Variants in CATSPERT observed in about 807,000 individuals in gnomAD.
CATSPERT encodes cation channel sperm-associated targeting subunit tau.
chr2:201,604,137 G>A, the CATSPERT span, among the ~76,000 whole-genome samples: 1 of 126,660 alleles, frequency 7.9e-6, no homozygotes, highest in Non-Finnish European at 1.7e-5. Context: ...TGTGTGGTGT[G>A]TGTGTGTATG....
chr2:201,563,633 T>G, the CATSPERT span, among the ~76,000 whole-genome samples: 1 of 152,252 alleles, frequency 6.6e-6, no homozygotes, highest in South Asian at 2.1e-4. Context: ...GATACCTTTG[T>G]AGTTTATTTC....
the CATSPERT span, among the ~76,000 whole-genome samples, chr2:201,513,955 C>CAAAGAACAAATCGAAAGAT: frequency 6.6e-6 from 1 of 151,994 alleles, no homozygotes; most frequent in East Asian, 1.9e-4. Context: ...ACCGATCCAT[C>CAAAGAACAAATCGAAAGAT]AAAGAACAAA....
At chr2:201,617,483 G>A in the CATSPERT span, among the ~76,000 whole-genome samples, 1 of 152,190 alleles carries the variant, frequency 6.6e-6, no homozygotes, top group Non-Finnish European at 1.5e-5. Flanking sequence ...AATAAATGGT[G>A]TTGGGAAAAC....
chr2:201,601,273 AGTGTGT>A, the CATSPERT span, among the ~76,000 whole-genome samples: 85 of 41,854 alleles, frequency 2.0e-3, no homozygotes, highest in Admixed American at 3.6e-3. Context: ...TAAGGATGAT[AGTGTGT>A]GTGTGTGTGT....
At chr2:201,571,947 G>T in the CATSPERT span, 1 of 1,612,756 alleles carries the variant, frequency 6.2e-7, no homozygotes, top group Admixed American at 1.7e-5. Flanking sequence ...TTACGTCACG[G>T]GATCTGTTCT....
At chr2:201,489,419 C>T in the CATSPERT span, among the ~76,000 whole-genome samples, 1 of 152,120 alleles carries the variant, frequency 6.6e-6, no homozygotes, top group African/African-American at 2.4e-5. Flanking sequence ...TATATACACT[C>T]ACCCCCTCAA....
At chr2:201,565,961 T>TC in the CATSPERT span, 1 of 1,220,260 alleles carries the variant, frequency 8.2e-7, no homozygotes, top group Non-Finnish European at 1.1e-6. Context: ...AACCCTTCTC[T>TC]TTTACACTTT....
At chr2:201,491,750 C>T in the CATSPERT span, 1 of 1,536,996 alleles carries the variant, frequency 6.5e-7, no homozygotes, top group Admixed American at 2.0e-5. Flanking sequence ...TTTACATGCT[C>T]CTTTCTATCA....
At chr2:201,537,325 T>C in the CATSPERT span, 1 of 857,054 alleles carries the variant, frequency 1.2e-6, no homozygotes, top group East Asian at 2.7e-5. Flanking sequence ...ATAAAACAAC[T>C]GAGTAACTTC....
chr2:201,557,080 T>C, the CATSPERT span: 2 of 152,136 alleles, frequency 1.3e-5, no homozygotes, highest in Admixed American at 1.3e-4. Context: ...CCCAAGTAAC[T>C]ATTCAAACCT....
the CATSPERT span, among the ~76,000 whole-genome samples, chr2:201,532,426 T>C: frequency 1.2e-4 from 18 of 152,292 alleles, 1 homozygote; most frequent in South Asian, 3.7e-3. Flanking sequence ...AAGAATTCAG[T>C]CTTCGTCATG....
At chr2:201,530,961 G>GTTGTTTT in the CATSPERT span, among the ~76,000 whole-genome samples, 1 of 106,046 alleles carries the variant, frequency 9.4e-6, no homozygotes, top group South Asian at 3.4e-4. Flanking sequence ...TTTTTTGTGG[G>GTTGTTTT]TTTTTTTTTT....
At chr2:201,492,705 G>T in the CATSPERT span, 2 of 1,535,060 alleles carry the variant, frequency 1.3e-6, no homozygotes, top group Non-Finnish European at 8.7e-7. Flanking sequence ...TGAAATTGTT[G>T]ACAAAAGACA....
the CATSPERT span, among the ~76,000 whole-genome samples, chr2:201,501,019 AAC>A: frequency 6.6e-6 from 1 of 152,158 alleles, no homozygotes; most frequent in Admixed American, 6.5e-5. Flanking sequence ...GACAAATGAA[AAC>A]ACAACATACC....
the CATSPERT span, among the ~76,000 whole-genome samples, chr2:201,590,755 CAA>C: frequency 1.3e-5 from 2 of 152,098 alleles, no homozygotes; most frequent in Non-Finnish European, 2.9e-5. Context: ...AGCATTTTTT[CAA>C]GTGTTTTTTG....
chr2:201,563,065 G>A, the CATSPERT span, among the ~76,000 whole-genome samples: 82 of 150,784 alleles, frequency 5.4e-4, no homozygotes, highest in South Asian at 1.5e-3. Flanking sequence ...CCGGGCAGAG[G>A]GGCTCCTCAC....
the CATSPERT span, among the ~76,000 whole-genome samples, chr2:201,502,305 G>T: frequency 6.6e-6 from 1 of 152,144 alleles, no homozygotes; most frequent in Admixed American, 6.5e-5. Flanking sequence ...CGGGTGCAGT[G>T]GCTCATGCCT....
At chr2:201,572,207 T>C in the CATSPERT span, among the ~76,000 whole-genome samples, 1 of 152,220 alleles carries the variant, frequency 6.6e-6, no homozygotes, top group East Asian at 1.9e-4. Flanking sequence ...TATTGGGTAC[T>C]AAATATTTGC....
At chr2:201,568,841 C>T in the CATSPERT span, among the ~76,000 whole-genome samples, 1 of 152,184 alleles carries the variant, frequency 6.6e-6, no homozygotes, top group Non-Finnish European at 1.5e-5. Flanking sequence ...AGCAATGATT[C>T]TGCCAGTTAC....
Sources: gnomAD v4.1 joint callset for allele counts (sites outside exome capture counted in the v4.1 genomes callset) on GRCh38, gnomAD v4.1.1 for gene constraint, MANE v1.5 for transcripts, NCBI Gene and HGNC (gene_info 2026-07-23, HGNC 2026-07-21) for gene names.